Variants in PARD3B observed in about 807,000 individuals in gnomAD.
PARD3B encodes par-3 family cell polarity regulator beta.
PARD3B carries 103 observed loss-of-function variants against 130.2 expected under a neutral mutation model. That is an observed-to-expected ratio of 0.79 (90% CI 0.67 to 0.93). The LOEUF is 0.93. Among genes scored for constraint, PARD3B ranks in the 40% least tolerant of loss-of-function variants. The probability of loss-of-function intolerance (pLI) is 0.00; values close to 1 mark genes in which losing one functional copy is unlikely to be tolerated. For missense variants in PARD3B, 1,609 were observed against 1,499.2 expected (o/e 1.07, Z -1.21); for synonymous variants, 583 against 553.2 (o/e 1.05, Z -0.76).
At chr2:205,614,264 G>C (rs1196650223) in intron 22 of PARD3B, among the ~76,000 whole-genome samples, 2 of 152,168 alleles carry the variant, frequency 1.3e-5, no homozygotes, top group Non-Finnish European at 2.9e-5. Flanking sequence ...GCCACTTTCT[G>C]TTAGTGTCTA....
At chr2:204,692,720 G>T (rs1195476353) in intron 2 of PARD3B, among the ~76,000 whole-genome samples, 1 of 151,946 alleles carries the variant, frequency 6.6e-6, no homozygotes, top group Non-Finnish European at 1.5e-5. Context: ...GTTTGGAGAA[G>T]GTTTCAGAAA....
At chr2:205,322,671 G>A (rs889144059) in intron 18 of PARD3B, among the ~76,000 whole-genome samples, 2 of 151,966 alleles carry the variant, frequency 1.3e-5, no homozygotes, top group African/African-American at 2.4e-5. Context: ...AAATATGAAG[G>A]AGTAGTAACG....
intron 22 of PARD3B, among the ~76,000 whole-genome samples, chr2:205,560,872 G>T (rs1035127454): frequency 1.3e-5 from 2 of 152,182 alleles, no homozygotes; most frequent in Non-Finnish European, 2.9e-5. Flanking sequence ...AACCCATAAT[G>T]AATTTGCTTT....
intron 4 of PARD3B, among the ~76,000 whole-genome samples, chr2:205,083,406 G>A (rs1423922636): frequency 1.3e-5 from 2 of 151,142 alleles, no homozygotes; most frequent in South Asian, 2.1e-4. Context: ...AGTAAGAATG[G>A]TATGAAAGGA....
intron 22 of PARD3B, among the ~76,000 whole-genome samples, chr2:205,561,201 A>G (rs1012784140): frequency 1.1e-4 from 16 of 152,154 alleles, no homozygotes; most frequent in African/African-American, 3.1e-4. Context: ...CTCTTCTACA[A>G]TGAACTTCTG....
chr2:205,391,664 G>A (rs774908255), intron 18 of PARD3B, among the ~76,000 whole-genome samples: 10 of 152,152 alleles, frequency 6.6e-5, no homozygotes, highest in African/African-American at 1.2e-4. Flanking sequence ...AGTTCACTGC[G>A]CTCCTGAAGA....
intron 3 of PARD3B, among the ~76,000 whole-genome samples, chr2:204,996,642 A>G (rs1175908177): frequency 1.3e-5 from 2 of 149,796 alleles, no homozygotes; most frequent in Admixed American, 1.3e-4. Flanking sequence ...TTGTTTACCT[A>G]AGCAAGCCTG....
At position 205,125,729 on chromosome 2, in the gene PARD3B, C is replaced by G. The variant is rs573695856; in HGVS notation, c.1426C>G (p.Arg476Gly). ...CCGCCAAGAAGGACATTTTCTGCCCCGAGAGTTGGTAATGTTCAGATCTCA... is the reference window on the plus strand; with the variant it reads ...CCGCCAAGAAGGACATTTTCTGCCCGGAGAGTTGGTAATGTTCAGATCTCA... ...IARQEGHFLP[R>G]ELKGEPDCCA... The change falls in exon 10 of 23, where the codon CGA becomes GGA. Residue 476 changes from arginine (R) to glycine (G), a missense_variant. Arg to Gly is a moderately radical substitution (Grantham distance 125). Transcript: ENST00000406610. This position sits in a 1 kb window ranked among gnomAD's most constrained non-coding sequence, Gnocchi z 4.0. The G allele has an allele frequency of 6.2e-7, 1 of 1,613,862 alleles. No individual in the cohort carries two copies. Among genetic ancestry groups the G allele is most frequent in the African/African-American group, 1.3e-5 (1 of 74,880 alleles).
chr2:204,548,200 T>C (rs967733357), intron 1 of PARD3B, among the ~76,000 whole-genome samples: 1 of 152,180 alleles, frequency 6.6e-6, no homozygotes, highest in Non-Finnish European at 1.5e-5. Context: ...ACAAATTCCA[T>C]GCTTTTATTC....
At chr2:205,141,229 G>A (rs1479187474) in intron 10 of PARD3B, among the ~76,000 whole-genome samples, 1 of 152,142 alleles carries the variant, frequency 6.6e-6, no homozygotes, top group East Asian at 1.9e-4. Flanking sequence ...TTAAGAGTAT[G>A]TTACTTTGTG....
At chr2:205,129,078 G>T (rs1184287508) in intron 10 of PARD3B, among the ~76,000 whole-genome samples, 2 of 152,156 alleles carry the variant, frequency 1.3e-5, no homozygotes, top group African/African-American at 2.4e-5. Flanking sequence ...AATTTGGAGG[G>T]TATATGCTTA....
chr2:205,429,648 A>T (rs1404345089), intron 19 of PARD3B, among the ~76,000 whole-genome samples: 1 of 152,222 alleles, frequency 6.6e-6, no homozygotes, highest in Non-Finnish European at 1.5e-5. Flanking sequence ...TAAATTTAGA[A>T]AAATACACAT....
intron 21 of PARD3B, among the ~76,000 whole-genome samples, chr2:205,522,922 G>A (rs147676115): frequency 6.6e-6 from 1 of 152,024 alleles, no homozygotes; most frequent in African/African-American, 2.4e-5. Flanking sequence ...TTTTGATATT[G>A]TAAATACTTA....
At chr2:204,699,645 A>G (rs114581458) in intron 2 of PARD3B, among the ~76,000 whole-genome samples, 2,164 of 152,226 alleles carry the variant, frequency 0.014, 61 homozygotes, top group African/African-American at 0.049. Context: ...GCTGTAATGA[A>G]TGTTACAATA....
chr2:204,800,145 A>G (rs1012941538), intron 2 of PARD3B, among the ~76,000 whole-genome samples: 2 of 152,220 alleles, frequency 1.3e-5, no homozygotes, highest in African/African-American at 4.8e-5. Context: ...CAGAGAAGGA[A>G]TTCAGAATCC....
chr2:204,621,728 T>A (rs2034308867), intron 1 of PARD3B, among the ~76,000 whole-genome samples: 1 of 152,202 alleles, frequency 6.6e-6, no homozygotes, highest in Non-Finnish European at 1.5e-5. Context: ...TTAAACAAAG[T>A]CTGTCTTTGA....
At chr2:205,243,575 T>C (rs2039448610) in intron 15 of PARD3B, among the ~76,000 whole-genome samples, 2 of 152,232 alleles carry the variant, frequency 1.3e-5, no homozygotes, top group Non-Finnish European at 2.9e-5. Flanking sequence ...TAACATTTAG[T>C]AAGCTTGGTC....
chr2:204,898,565 C>T (rs1269800276), intron 2 of PARD3B, among the ~76,000 whole-genome samples: 1 of 152,026 alleles, frequency 6.6e-6, no homozygotes, highest in Non-Finnish European at 1.5e-5. Flanking sequence ...GAGAATGATC[C>T]ATGTGCTGAG....
At chr2:205,447,610 C>T (rs1031939093) in intron 20 of PARD3B, among the ~76,000 whole-genome samples, 5 of 152,166 alleles carry the variant, frequency 3.3e-5, no homozygotes, top group Non-Finnish European at 7.4e-5. Context: ...AACTCCTGAC[C>T]TCATGATCTG....
Sources: gnomAD v4.1 joint callset for allele counts (sites outside exome capture counted in the v4.1 genomes callset) on GRCh38, gnomAD v4.1.1 for gene constraint, Gnocchi (gnomAD v3.1) non-coding constraint, MANE v1.5 for transcripts, NCBI Gene and HGNC (gene_info 2026-07-23, HGNC 2026-07-21) for gene names.